B4GALNT3: variants seen among roughly 807,000 people sequenced by gnomAD.
The protein encoded by B4GALNT3 is beta-1,4-N-acetyl-galactosaminyltransferase 3, also known as beta-1,4-N-acetylgalactosaminyltransferase 3.
A neutral mutation model predicts 120.2 loss-of-function variants in B4GALNT3; 86 were observed. The ratio of observed to expected loss-of-function variants is 0.72; its 90% CI spans 0.60 to 0.86. The LOEUF is 0.86. B4GALNT3 is among the 40% of genes least tolerant of loss of function. The probability of loss-of-function intolerance (pLI) is 0.00; values close to 1 mark genes in which losing one functional copy is unlikely to be tolerated. For missense variants in B4GALNT3, 1,167 were observed against 1,298.9 expected (o/e 0.90, Z 1.56); for synonymous variants, 518 against 510.4 (o/e 1.01, Z -0.20).
In B4GALNT3 at chr12:548,881, C is replaced by A. The variant is rs1048049349; in HGVS notation, c.853+584C>A. Among the ~76,000 whole-genome samples the A allele has an allele frequency of 3.3e-5, 5 of 152,036 alleles. No individual in the cohort carries two copies. Among genetic ancestry groups the A allele is most frequent in the Admixed American group, 2.6e-4 (4 of 15,264 alleles). ...TTGGGTCACTGTGCTCCAGCCTGGG[C>A]AACAGAGCAAGACGCTGCCTCAAAA... is the stretch of plus-strand genomic sequence containing the variant. On this transcript the variant is annotated intron_variant, in intron 9 of 19. Coordinates refer to ENST00000266383, the MANE Select transcript of B4GALNT3 (RefSeq NM_173593.4). The surrounding 1 kb of genome is among the most constrained non-coding windows in gnomAD (Gnocchi z 4.9).
intron 1 of B4GALNT3, among the ~76,000 whole-genome samples, chr12:479,751 A>C (rs1005193268): frequency 1.3e-5 from 2 of 151,992 alleles, no homozygotes; most frequent in African/African-American, 4.8e-5. Flanking sequence ...TAGAGTATTT[A>C]GGCTGGAGGG....
At chr12:520,402 A>G (rs1195271129) in intron 1 of B4GALNT3, among the ~76,000 whole-genome samples, 3 of 152,224 alleles carry the variant, frequency 2.0e-5, no homozygotes, top group Admixed American at 1.3e-4. Context: ...CAGACATTCT[A>G]TTGCCATAGC....
intron 1 of B4GALNT3, among the ~76,000 whole-genome samples, chr12:491,057 C>G (rs368456303): frequency 6.6e-6 from 1 of 152,152 alleles, no homozygotes; most frequent in South Asian, 2.1e-4. Context: ...AATACCAGAC[C>G]CAGACAAAGA....
chr12:554,789 CAAAAAAAAAAAAAA>C (rs57194028), intron 14 of B4GALNT3, among the ~76,000 whole-genome samples: 51 of 33,014 alleles, frequency 1.5e-3, no homozygotes, highest in African/African-American at 4.3e-3. Context: ...GACTCCGTCT[CAAAAAAAAAAAAAA>C]AAAAAAAAAA....
chr12:530,585 A>C (rs1238023758), intron 1 of B4GALNT3, among the ~76,000 whole-genome samples: 1 of 152,250 alleles, frequency 6.6e-6, no homozygotes, highest in Non-Finnish European at 1.5e-5. Context: ...TGTTCTGGGT[A>C]ATAAATCCTT....
chr12:516,135 G>A lies in B4GALNT3; in HGVS notation c.170-19031G>A, dbSNP rs186858331. On this transcript the variant is annotated intron_variant, in intron 1 of 19. Coordinates refer to ENST00000266383, the MANE Select transcript of B4GALNT3 (RefSeq NM_173593.4). The stretch of plus-strand genomic sequence containing the variant: ...CACTCCAGCCTGGGCGACAGAGCGA[G>A]ACTCCGTCTCAAAAAAAAAAAAAAA... Among the ~76,000 whole-genome samples, 217 of 144,334 alleles carry A rather than the reference G, an allele frequency of 1.5e-3. 1 individual carries two copies. Among genetic ancestry groups the A allele is most frequent in the Non-Finnish European group, 2.3e-3 (155 of 67,128 alleles). The allele number at this position is 144,334 out of a possible 152,430, so 94.7% of individuals were successfully genotyped here.
intron 4 of B4GALNT3, 149 bp from the exon 5 acceptor site, chr12:544,733 G>T: frequency 1.3e-6 from 1 of 750,510 alleles, no homozygotes; most frequent in Non-Finnish European, 2.2e-6. Context: ...GAGGCAAATG[G>T]GAACTGAAAT....
chr12:559,607 G>A (rs1465375908), intron 19 of B4GALNT3, among the ~76,000 whole-genome samples, 186 bp downstream of exon 19: 1 of 152,080 alleles, frequency 6.6e-6, no homozygotes, highest in African/African-American at 2.4e-5. Flanking sequence ...TCTATTAGAG[G>A]GGTGTGACTC....
intron 14 of B4GALNT3, among the ~76,000 whole-genome samples, chr12:555,885 G>C (rs148677677): frequency 1.3e-5 from 2 of 151,840 alleles, no homozygotes; most frequent in Non-Finnish European, 2.9e-5. Context: ...CCGGGTTCAC[G>C]CCATTCTCCT....
intron 1 of B4GALNT3, among the ~76,000 whole-genome samples, chr12:489,332 A>T (rs1168214655): frequency 6.6e-6 from 1 of 151,948 alleles, no homozygotes; most frequent in Non-Finnish European, 1.5e-5. Context: ...AACTTAAAAA[A>T]AAAAAAAAAC....
chr12:511,363 TTCAACC>T (rs1946553810), intron 1 of B4GALNT3, among the ~76,000 whole-genome samples: 1 of 122,862 alleles, frequency 8.1e-6, no homozygotes, highest in African/African-American at 3.2e-5. Flanking sequence ...ACCTTCCACC[TTCAACC>T]TTCCGCCTTC....
chr12:546,811 T>C (rs1301597116), intron 7 of B4GALNT3, 98 bp downstream of exon 7: 1 of 1,215,854 alleles, frequency 8.2e-7, no homozygotes, highest in Non-Finnish European at 1.2e-6. Flanking sequence ...CTCCAGAGCT[T>C]CCGTGTGTCC....
chr12:538,390 C>G (rs1362999488), intron 3 of B4GALNT3, among the ~76,000 whole-genome samples: 1 of 151,380 alleles, frequency 6.6e-6, no homozygotes, highest in African/African-American at 2.4e-5. Context: ...GACCTTGTCT[C>G]TACAAATAAT....
chr12:559,250 C>T, intron 18 of B4GALNT3, 45 bp from the exon 19 acceptor site: 1 of 1,612,352 alleles, frequency 6.2e-7, no homozygotes, highest in Non-Finnish European at 8.5e-7. Context: ...CCTTCCTCCT[C>T]CTGGCCTCTG....
At position 511,013 on chromosome 12, in the gene B4GALNT3, C is replaced by CTTTTTTTTTTTTTTT. The variant is rs762032000; in HGVS notation, c.170-24125_170-24111dup. On this transcript the variant is annotated intron_variant, in intron 1 of 19. Coordinates refer to ENST00000266383, the MANE Select transcript of B4GALNT3 (RefSeq NM_173593.4). ...TTTGGTCTCTATGGATTTGCCTATT[C>CTTTTTTTTTTTTTTT]TTTTTTTTTTTTTTTTTTTTTTTTT... Among the ~76,000 whole-genome samples the CTTTTTTTTTTTTTTT allele has an allele frequency of 9.1e-5, 4 of 43,910 alleles. 1 individual carries two copies. The highest frequency in any genetic ancestry group is 1.4e-4 in the Non-Finnish European group (3 of 21,838). The allele number at this position is 43,910 out of a possible 152,430, so 28.8% of individuals were successfully genotyped here.
In B4GALNT3 at chr12:554,769, G is replaced by A. The variant is rs1294070038; in HGVS notation, c.2060+786G>A. Among the ~76,000 whole-genome samples, 51 of 95,328 alleles carry A rather than the reference G, an allele frequency of 5.3e-4. 1 individual carries two copies. Among genetic ancestry groups the A allele is most frequent in the African/African-American group, 1.8e-3 (41 of 22,308 alleles). The allele number at this position is 95,328 out of a possible 152,430, so 62.5% of individuals were successfully genotyped here. ...TGCGCCACTGCACTCCAGCCTGGGC[G>A]ACAGAGCAAGACTCCGTCTCAAAAA... On this transcript the variant is annotated intron_variant, in intron 14 of 19. Transcript: ENST00000266383.
intron 3 of B4GALNT3, among the ~76,000 whole-genome samples, chr12:540,994 C>T (rs1418294189): frequency 6.6e-6 from 1 of 152,232 alleles, no homozygotes; most frequent in Non-Finnish European, 1.5e-5. Flanking sequence ...CCGCCCGCCT[C>T]AGCCTCCCAA....
At chr12:555,194 A>G (rs1372465368) in intron 14 of B4GALNT3, 2 of 335,584 alleles carry the variant, frequency 6.0e-6, no homozygotes, top group African/African-American at 4.4e-5. Context: ...AAAGAAAAAG[A>G]AAGAAAAAAA....
At chr12:471,117 G>A (rs764722381) in intron 1 of B4GALNT3, among the ~76,000 whole-genome samples, 3 of 151,618 alleles carry the variant, frequency 2.0e-5, no homozygotes, top group South Asian at 2.1e-4. Flanking sequence ...GGCTGGGCGC[G>A]GTGGCTCACA....
Sources: allele counts gnomAD v4.1 joint callset (sites outside exome capture counted in the v4.1 genomes callset), GRCh38; gene constraint gnomAD v4.1.1; non-coding constraint Gnocchi (gnomAD v3.1); transcripts MANE v1.5; gene names NCBI Gene and HGNC (gene_info 2026-07-23, HGNC 2026-07-21).